The following RUFY2 variants were observed in gnomAD, a reference collection of about 807,000 sequenced individuals.
The protein encoded by RUFY2 is RUN and FYVE domain containing 2.
A neutral mutation model predicts 94.4 loss-of-function variants in RUFY2; 49 were observed. That is an observed-to-expected ratio of 0.52 (90% CI 0.41 to 0.66). RUFY2 has a LOEUF of 0.66. RUFY2 is among the 30% of genes least tolerant of loss of function. The probability of loss-of-function intolerance (pLI) is 0.00; values close to 1 mark genes in which losing one functional copy is unlikely to be tolerated. For synonymous variants in RUFY2, 255 were observed against 235.7 expected, an observed-to-expected ratio of 1.08 and a Z score of -0.75; for missense variants, 541 against 692.8, an observed-to-expected ratio of 0.78 and a Z score of 2.46.
chr10:68,401,652 T>C lies in RUFY2; in HGVS notation c.264A>G (p.Ile88Met). 6.2e-7 allele frequency: 1 copy of C among 1,613,734 alleles called. No homozygotes were observed. The highest frequency in any genetic ancestry group is 8.5e-7 in the Non-Finnish European group (1 of 1,179,640). ...VEKLYPEAEE[I>M]GASVRDLPGL... is the part of the protein sequence containing the mutation. ...CAGGTAGATCCCGGACACTAGCTCC[T>C]ATTTCCTCTGCTTCGGGGTACAGCT... The change falls in exon 3 of 18, where the codon ATA (isoleucine) becomes ATG (methionine). Residue 88 changes from isoleucine to methionine, a missense_variant. This residue lies in a region of RUFY2 where 85 missense variants were observed against 153.4 expected (regional missense o/e 0.55). Transcript: ENST00000602465.
In RUFY2 at chr10:68,344,693, A is replaced by C. The variant is rs41278504; in HGVS notation, c.*1075T>G. On this transcript the variant is annotated 3_prime_UTR_variant, in exon 18 of 18. Coordinates refer to ENST00000602465, the MANE Select transcript of RUFY2 (RefSeq NM_001330103.2). Reference sequence around the variant, plus strand: ...GAGTGAAACTCCATCTCGAAAAAAAAAGAAATAGGTCAAGTGTATATTTCA... The same window carrying C: ...GAGTGAAACTCCATCTCGAAAAAAACAGAAATAGGTCAAGTGTATATTTCA... 176 of 152,504 alleles carry C rather than the reference A, an allele frequency of 1.2e-3. 1 individual carries two copies. The highest frequency in any genetic ancestry group is 2.0e-3 in the Non-Finnish European group (136 of 68,196). The allele number at this position is 152,504 out of a possible 1,614,324, so 9.4% of individuals were successfully genotyped here. A position where few individuals can be genotyped will look rare whatever the true frequency, so the allele number is the denominator to read the frequency against.
chr10:68,377,990 A>G, intron 12 of RUFY2: 2 of 985,374 alleles, frequency 2.0e-6, no homozygotes, highest in East Asian at 1.1e-4. Flanking sequence ...AGGTGCTGGG[A>G]TTGGACCCAA....
Position 68,363,964 on chromosome 10 carries a change from A to C in RUFY2, c.1455+20T>G, listed in dbSNP as rs2047635587. On this transcript the variant is annotated intron_variant, in intron 14 of 17. Transcript: ENST00000602465. ...TAACATTTGTCAAGACAGAATTTTT[A>C]AAGTTTTACCACTATTTACTTTTTT... The C allele has an allele frequency of 6.6e-7, 1 of 1,526,208 alleles. No homozygotes were observed. The highest frequency in any genetic ancestry group is 1.8e-5 in the Admixed American group (1 of 55,082). The allele number at this position is 1,526,208 out of a possible 1,614,324, so 94.5% of individuals were successfully genotyped here.
Position 68,367,029 on chromosome 10 carries a change from G to T in RUFY2, c.1326-2916C>A, listed in dbSNP as rs1195814575. On this transcript the variant is annotated intron_variant, in intron 13 of 17. Coordinates refer to ENST00000602465, the MANE Select transcript of RUFY2 (RefSeq NM_001330103.2). ...CTAAAAACACAAAAATTATCTGGGC[G>T]TGGTGGCGGGTGCCTGTAATCTCAT... 2.6e-5 allele frequency among the ~76,000 whole-genome samples: 4 copies of T among 151,134 alleles called. No individual in the cohort carries two copies. In the Admixed American group the frequency reaches 2.7e-4, roughly 10 times the overall value.
At chr10:68,342,375 G>A (rs536980795), downstream of RUFY2, 51 of 214,706 alleles carry the variant, frequency 2.4e-4, 2 homozygotes, top group South Asian at 4.4e-3. Context: ...AAGAAGTAGT[G>A]TGGTGTAATT....
In RUFY2 at chr10:68,391,241, T is replaced by C. The variant is rs1469477119; in HGVS notation, c.650+1897A>G. 3.7e-4 allele frequency among the ~76,000 whole-genome samples: 56 copies of C among 152,116 alleles called. 1 individual carries two copies. The highest frequency in any genetic ancestry group is 4.4e-5 in the Non-Finnish European group (3 of 68,000). ...GTGAGACATCGTGCCTGTACCCTAA[T>C]TTTTATATTGATTGCATGTTGGAAG... On this transcript the variant is annotated intron_variant, in intron 7 of 17. Coordinates refer to ENST00000602465, the MANE Select transcript of RUFY2 (RefSeq NM_001330103.2).
chr10:68,392,383 C>T (rs1190648942), intron 7 of RUFY2, among the ~76,000 whole-genome samples: 1 of 152,080 alleles, frequency 6.6e-6, no homozygotes, highest in African/African-American at 2.4e-5. Context: ...ATACAGGTCT[C>T]AAAAATTCTT....
intron 13 of RUFY2, among the ~76,000 whole-genome samples, chr10:68,367,370 A>T (rs991220841): frequency 1.3e-5 from 2 of 152,230 alleles, no homozygotes; most frequent in Admixed American, 6.5e-5. Context: ...CCAGTGCACC[A>T]TTAATAAATC....
chr10:68,369,347 T>C (rs2048084488), intron 13 of RUFY2, among the ~76,000 whole-genome samples: 1 of 151,404 alleles, frequency 6.6e-6, no homozygotes, highest in East Asian at 2.0e-4. Flanking sequence ...TAGCCAGGTG[T>C]GGTGGTGTGT....
intron 15 of RUFY2, among the ~76,000 whole-genome samples, chr10:68,361,189 G>A (rs976501936): frequency 6.7e-6 from 1 of 150,160 alleles, no homozygotes; most frequent in Non-Finnish European, 1.5e-5. Context: ...CAGAAGAATC[G>A]CTTGAAAAGA....
intron 1 of RUFY2, among the ~76,000 whole-genome samples, chr10:68,406,259 T>C (rs918219270): frequency 3.3e-5 from 5 of 151,966 alleles, no homozygotes; most frequent in African/African-American, 1.2e-4. Context: ...TGACACTGAA[T>C]CCTAAGCAAC....
At chr10:68,354,558 G>A (rs2046913507) in intron 16 of RUFY2, among the ~76,000 whole-genome samples, 1 of 152,136 alleles carries the variant, frequency 6.6e-6, no homozygotes, top group Non-Finnish European at 1.5e-5. Flanking sequence ...TTTCTTCTAT[G>A]TTGTAGCAAG....
intron 16 of RUFY2, among the ~76,000 whole-genome samples, chr10:68,349,781 G>A (rs2132293170): frequency 6.6e-6 from 1 of 151,986 alleles, no homozygotes; most frequent in Non-Finnish European, 1.5e-5. Context: ...CTCGTGATCT[G>A]CCCGCCTCAG....
chr10:68,362,659 G>T (rs1451990653), intron 15 of RUFY2, among the ~76,000 whole-genome samples: 1 of 152,016 alleles, frequency 6.6e-6, no homozygotes, highest in African/African-American at 2.4e-5. Flanking sequence ...GCATGATGGT[G>T]CCTGCCTGTA....
chr10:68,352,442 C>G (rs1446444963), intron 16 of RUFY2, among the ~76,000 whole-genome samples: 3 of 152,150 alleles, frequency 2.0e-5, no homozygotes, highest in African/African-American at 7.2e-5. Context: ...AGGGAAACAT[C>G]AGGACCAGAA....
At chr10:68,373,326 G>GA (rs34663771) in intron 13 of RUFY2, among the ~76,000 whole-genome samples, 13 of 151,954 alleles carry the variant, frequency 8.6e-5, no homozygotes, top group Non-Finnish European at 5.9e-5. Flanking sequence ...TGGGAAGGCA[G>GA]AAAAAATTAA....
chr10:68,355,330 C>G, intron 16 of RUFY2, 23 bp downstream of exon 16: 1 of 1,584,260 alleles, frequency 6.3e-7, no homozygotes, highest in Admixed American at 1.7e-5. Flanking sequence ...TACCTTCCCA[C>G]TTTAGGAAAA....
At chr10:68,392,204 G>T (rs12781932) in intron 7 of RUFY2, among the ~76,000 whole-genome samples, 1 of 151,108 alleles carries the variant, frequency 6.6e-6, no homozygotes, top group Middle Eastern at 3.2e-3. Flanking sequence ...GCTAATTTTT[G>T]TTTTTTTTAG....
intron 16 of RUFY2, chr10:68,346,342 G>A: frequency 2.8e-6 from 1 of 353,050 alleles, no homozygotes; most frequent in South Asian, 3.9e-5. Flanking sequence ...GGTAATTCCA[G>A]CTACTTGGGA....
Sources: gnomAD v4.1 joint callset for allele counts (sites outside exome capture counted in the v4.1 genomes callset) on GRCh38, gnomAD v4.1.1 for gene constraint, gnomAD v4.1.1 regional missense constraint, MANE v1.5 for transcripts, NCBI Gene and HGNC (gene_info 2026-07-23, HGNC 2026-07-21) for gene names.